Variants in LAMA5 observed in about 807,000 individuals in gnomAD.
LAMA5 encodes the protein laminin subunit alpha 5.
LAMA5 carries 260 observed loss-of-function variants against 433.4 expected under a neutral mutation model. That is an observed-to-expected ratio of 0.60 (90% CI 0.54 to 0.66). The LOEUF is 0.66. Among genes scored for constraint, LAMA5 ranks in the 30% least tolerant of loss-of-function variants. The probability of loss-of-function intolerance (pLI) is 0.00; values close to 1 mark genes in which losing one functional copy is unlikely to be tolerated. For missense variants in LAMA5, 5,378 were observed against 5,258.5 expected, an observed-to-expected ratio of 1.02 and a Z score of -0.70; for synonymous variants, 2,620 against 2,226.6, an observed-to-expected ratio of 1.18 and a Z score of -4.97.
chr20:62,312,585 C>G (rs370174061), intron 67 of LAMA5, 47 bp downstream of exon 67: 24 of 1,599,106 alleles, frequency 1.5e-5, no homozygotes, highest in Non-Finnish European at 2.0e-5. Flanking sequence ...CCCAGCCTAC[C>G]GCCCCAACAG....
At position 62,360,459 on chromosome 20, in the gene LAMA5, GGGT is replaced by G. The variant is rs1181230963; in HGVS notation, c.450+1938_450+1940del. On this transcript the variant is annotated intron_variant, in intron 2 of 79. Transcript: ENST00000252999. ...TGAGTGGGTGGGTGGAGGGATAGAT[GGGT>G]GGTGGGTGGGTGGAGGGATAGATGG... 9.5e-3 allele frequency among the ~76,000 whole-genome samples: 2 copies of G among 210 alleles called. 1 individual carries two copies. Among genetic ancestry groups the G allele is most frequent in the Non-Finnish European group, 0.091 (2 of 22 alleles). 0.1% of individuals were successfully genotyped at this position (210 alleles called of 152,430 possible).
chr20:62,318,794 C>T (rs754453138), intron 52 of LAMA5, 49 bp downstream of exon 52: 4 of 1,596,086 alleles, frequency 2.5e-6, no homozygotes, highest in Non-Finnish European at 3.4e-6. Context: ...TTGGAGCTCC[C>T]AGGTCCCTGC....
intron 1 of LAMA5, among the ~76,000 whole-genome samples, chr20:62,366,004 G>A (rs493809): frequency 0.55 from 84,097 of 152,112 alleles, 26,250 homozygotes; most frequent in East Asian, 0.85. Context: ...CCAGCTACTC[G>A]CCCCTGCCCC....
chr20:62,352,141 G>A (rs1479643788), intron 4 of LAMA5, 62 bp from the exon 5 acceptor site: 22 of 1,586,558 alleles, frequency 1.4e-5, no homozygotes, highest in South Asian at 3.4e-5. Context: ...TGCCCCTCCC[G>A]GGCCCACCTT....
chr20:62,345,167 G>A (rs1030734990), intron 11 of LAMA5, among the ~76,000 whole-genome samples: 3 of 151,628 alleles, frequency 2.0e-5, no homozygotes, highest in African/African-American at 4.8e-5. Flanking sequence ...ACAGGTGCCC[G>A]CCACCATGCC....
chr20:62,361,054 G>A (rs1200560856), intron 2 of LAMA5, among the ~76,000 whole-genome samples: 3 of 152,130 alleles, frequency 2.0e-5, no homozygotes, highest in African/African-American at 4.8e-5. Flanking sequence ...TCTCAAAGGA[G>A]GAGAGGCGGG....
rs370596123 is a variant in LAMA5 at position 62,314,590 on chromosome 20, C to T, written c.8332G>A (p.Glu2778Lys). 16 of 1,611,900 alleles carry T rather than the reference C, an allele frequency of 9.9e-6. No homozygotes were observed. The highest frequency in any genetic ancestry group is 1.7e-4 in the Middle Eastern group (1 of 6,056). ...GPEPEPGQGT[E>K]DRFVMYMGSR... is the part of the protein sequence containing the mutation. ...CCCATGTACATCACAAAGCGATCCT[C>T]GGTACCCTGCCCAGGCTCAGGCTCT... is the stretch of plus-strand genomic sequence containing the variant. The change falls in exon 61 of 80, where the codon GAG (glutamate) becomes AAG (lysine). Residue 2778 changes from glutamate (E) to lysine (K), a missense_variant. Physicochemically the swap from Glu to Lys is moderately conservative, Grantham distance 56. Transcript: ENST00000252999.
At position 62,325,510 on chromosome 20, in the gene LAMA5, A is replaced by C. The variant is rs753649230; in HGVS notation, c.5335T>G (p.Ser1779Ala). 2 of 1,612,298 alleles carry C rather than the reference A, an allele frequency of 1.2e-6. No individual in the cohort carries two copies. Among genetic ancestry groups the C allele is most frequent in the Non-Finnish European group, 1.7e-6 (2 of 1,179,692 alleles). The stretch of plus-strand genomic sequence containing the variant: ...AGCACCATCATGAGCTCCTCGCGGG[A>C]CACAGTGTTGCGCGTCTCCGTATGC... ...FRHTETRNTVSREELMMVLAS... is the reference protein window; with the variant it reads ...FRHTETRNTVAREELMMVLAS... The change falls in exon 41 of 80, where the codon TCC (serine) becomes GCC (alanine). Residue 1779 changes from serine to alanine, a missense_variant. By Grantham distance (99) the Ser-to-Ala change is moderately conservative (BLOSUM62 1). Transcript: ENST00000252999.
In LAMA5 at chr20:62,316,858, C is replaced by CTGAGGGGAAG. The variant is rs766853197; in HGVS notation, c.7653+14_7653+23dup. 1.6e-5 allele frequency: 24 copies of CTGAGGGGAAG among 1,533,976 alleles called. No individual in the cohort carries two copies. In the East Asian group the frequency reaches 5.2e-4, roughly 33 times the overall value. ...GGCAGTGGGGGCGCTCCTGCTGGGG[C>CTGAGGGGAAG]TGAGGGGAAGTGAGGGGCCTCACCG... On this transcript the variant is annotated intron_variant, in intron 56 of 79. Coordinates refer to ENST00000252999, the MANE Select transcript of LAMA5 (RefSeq NM_005560.6).
At chr20:62,310,107 G>A in intron 77 of LAMA5, 26 bp from the exon 78 acceptor site, 1 of 1,610,952 alleles carries the variant, frequency 6.2e-7, no homozygotes, top group South Asian at 1.1e-5. Flanking sequence ...GGGAGGGTCA[G>A]GCTATGCCCC....
At chr20:62,316,352 A>T in intron 57 of LAMA5, 1 of 544,628 alleles carries the variant, frequency 1.8e-6, no homozygotes. Context: ...CACCTTTCTC[A>T]TTGCGCAGCT....
intron 17 of LAMA5, 82 bp downstream of exon 17, chr20:62,336,652 G>T: frequency 6.7e-7 from 1 of 1,501,598 alleles, no homozygotes; most frequent in Non-Finnish European, 9.2e-7. Context: ...CAGGCAGGAA[G>T]CCCTGGTCTC....
Position 62,322,326 on chromosome 20 carries a change from G to A in LAMA5, c.6289C>T (p.Pro2097Ser). Reference sequence around the variant, plus strand: ...CCAGGGGCACACTCGCGGCACTGGGGTCCCATGGTCCCTGGTCGGCAGTGG... The same window carrying A: ...CCAGGGGCACACTCGCGGCACTGGGATCCCATGGTCCCTGGTCGGCAGTGG... The part of the protein sequence containing the change: ...QCHCRPGTMG[P>S]QCRECAPGYW... The change falls in exon 47 of 80, where the codon CCC becomes TCC. Residue 2097 changes from proline to serine, a missense_variant. Transcript: ENST00000252999. 1.3e-6 allele frequency: 2 copies of A among 1,599,138 alleles called. No homozygotes were observed. The highest frequency in any genetic ancestry group is 8.5e-7 in the Non-Finnish European group (1 of 1,174,730).
At chr20:62,325,197 G>GAGAGGTGAGTAGGGGGGCAGGA (rs1191192526) in intron 41 of LAMA5, 119 bp downstream of exon 41, 1 of 669,714 alleles carries the variant, frequency 1.5e-6, no homozygotes, top group African/African-American at 1.8e-5. Context: ...GGGGCAGGAA[G>GAGAGGTGAGTAGGGGGGCAGGA]AGAGGTGAGT....
chr20:62,338,576 T>C lies in LAMA5; in HGVS notation c.1510A>G (p.Asn504Asp). ...CDCSAAGTQGNACRKDPRVGR... is the reference protein window; with the variant it reads ...CDCSAAGTQGDACRKDPRVGR... Reference sequence around the variant, plus strand: ...ACCCTTGGGTCCTTCCGGCAGGCGTTGCCCTGGGTCCCTGCCGCGCTGCAG... The same window carrying C: ...ACCCTTGGGTCCTTCCGGCAGGCGTCGCCCTGGGTCCCTGCCGCGCTGCAG... Residue 504 changes from asparagine (N) to aspartate (D), a missense_variant, in exon 12 of 80, where the codon AAC becomes GAC. Coordinates refer to ENST00000252999, the MANE Select transcript of LAMA5 (RefSeq NM_005560.6). 6.2e-7 allele frequency: 1 copy of C among 1,611,214 alleles called. No homozygotes were observed. Among genetic ancestry groups the C allele is most frequent in the Non-Finnish European group, 8.5e-7 (1 of 1,179,576 alleles).
chr20:62,326,212 T>C (rs561991080), intron 40 of LAMA5, among the ~76,000 whole-genome samples: 31 of 142,420 alleles, frequency 2.2e-4, no homozygotes, highest in African/African-American at 8.0e-4. Flanking sequence ...AGAGCAAGAC[T>C]GTCTCAAAAA....
rs753146454 is a variant in LAMA5 at position 62,311,542 on chromosome 20, C to A, written c.9807-6G>T. 6.2e-7 allele frequency: 1 copy of A among 1,609,382 alleles called. No homozygotes were observed. Among genetic ancestry groups the A allele is most frequent in the African/African-American group, 1.3e-5 (1 of 74,894 alleles). ...CGCGCTGTGGGCCCAGGAGCCTGTG[C>A]AGGGCGGGCAGGCGGTCAGCAGCTG... On this transcript the variant is annotated splice_region_variant and splice_polypyrimidine_tract_variant and intron_variant, in intron 71 of 79. Transcript: ENST00000252999.
intron 78 of LAMA5, 31 bp downstream of exon 78, chr20:62,309,957 C>A: frequency 6.2e-7 from 1 of 1,606,924 alleles, no homozygotes; most frequent in Non-Finnish European, 8.5e-7. Flanking sequence ...GTGGGGGTGG[C>A]AGAGTGCCCT....
At chr20:62,336,544 G>A (rs2146225129) in intron 17 of LAMA5, 99 bp from the exon 18 acceptor site, 1 of 1,188,224 alleles carries the variant, frequency 8.4e-7, no homozygotes, top group Non-Finnish European at 1.2e-6. Context: ...TGAGGGCTGA[G>A]GGCCCTCACC....
Sources: allele counts gnomAD v4.1 joint callset (sites outside exome capture counted in the v4.1 genomes callset), GRCh38; gene constraint gnomAD v4.1.1; transcripts MANE v1.5; gene names NCBI Gene and HGNC (gene_info 2026-07-23, HGNC 2026-07-21).